Variants in ADAMTS2 observed in about 807,000 individuals in gnomAD.
ADAMTS2 encodes the protein A disintegrin and metalloproteinase with thrombospondin motifs 2.
Under a neutral mutation model 123.0 loss-of-function variants are expected in ADAMTS2, and 50 were observed. The observed-to-expected ratio is 0.41, with a 90% CI of 0.32 to 0.51. The LOEUF (loss-of-function observed/expected upper bound fraction) is 0.51, where lower values mean the gene tolerates loss of function less well. ADAMTS2 is among the 20% of genes least tolerant of loss of function. The pLI, the probability that ADAMTS2 is intolerant of heterozygous loss-of-function variation, is 0.35. For synonymous variants in ADAMTS2, 678 were observed against 695.4 expected (o/e 0.98, Z 0.39); for missense variants, 1,494 against 1,705.2 (o/e 0.88, Z 2.18).
At chr5:179,152,899 C>T (rs553221588) in intron 9 of ADAMTS2, among the ~76,000 whole-genome samples, 4 of 152,154 alleles carry the variant, frequency 2.6e-5, no homozygotes, top group East Asian at 1.9e-4. Context: ...GGCAGGTTAC[C>T]TAGCCTCTCC....
chr5:179,212,342 C>T lies in ADAMTS2; in HGVS notation c.689-4627G>A, dbSNP rs1374791067. The stretch of plus-strand genomic sequence containing the variant: ...CAGGTGTGGGCCCTGAGGGTGGGTT[C>T]AGTGGGCACGTGTGGGCCCTGAGGG... On this transcript the variant is annotated intron_variant, in intron 3 of 21. Coordinates refer to ENST00000251582, the MANE Select transcript of ADAMTS2 (RefSeq NM_014244.5). 2.9e-5 allele frequency among the ~76,000 whole-genome samples: 4 copies of T among 139,698 alleles called. No individual in the cohort carries two copies. The Admixed American group carries it at 2.9e-4, about 10-fold the overall frequency. 91.6% of individuals were successfully genotyped at this position (139,698 alleles called of 152,430 possible). A position where few individuals can be genotyped will look rare whatever the true frequency, so the allele number is the denominator to read the frequency against.
At position 179,153,627 on chromosome 5, in the gene ADAMTS2, T is replaced by C. The variant is rs755840034; in HGVS notation, c.1383-4A>G. ...ATCCAGCAGGCAGTCATAGGAGCTG[T>C]GGGGGACACACGGTGCCGCGAGCAG... is the stretch of plus-strand genomic sequence containing the variant. On this transcript the variant is annotated splice_polypyrimidine_tract_variant and splice_region_variant and intron_variant, in intron 8 of 21. Coordinates refer to ENST00000251582, the MANE Select transcript of ADAMTS2 (RefSeq NM_014244.5). 3 of 1,601,550 alleles carry C rather than the reference T, an allele frequency of 1.9e-6. No homozygotes were observed. The highest frequency in any genetic ancestry group is 2.5e-6 in the Non-Finnish European group (3 of 1,179,376).
At chr5:179,251,990 T>A (rs997612047) in intron 3 of ADAMTS2, among the ~76,000 whole-genome samples, 1 of 151,736 alleles carries the variant, frequency 6.6e-6, no homozygotes, top group Non-Finnish European at 1.5e-5. Flanking sequence ...TCTCACTGAT[T>A]TTTTTTTCTT....
At chr5:179,295,017 C>T (rs1359360051) in intron 2 of ADAMTS2, among the ~76,000 whole-genome samples, 1 of 152,200 alleles carries the variant, frequency 6.6e-6, no homozygotes, top group African/African-American at 2.4e-5. Flanking sequence ...CGGGTTCCCA[C>T]TGGCCGCATG....
Position 179,112,434 on chromosome 5 carries a change from T to G in ADAMTS2, c.*1433A>C, listed in dbSNP as rs375474682. The G allele has an allele frequency of 2.0e-5, 3 of 152,152 alleles. No homozygotes were observed. The highest frequency in any genetic ancestry group is 7.2e-5 in the African/African-American group (3 of 41,426). 9.4% of individuals were successfully genotyped at this position (152,152 alleles called of 1,614,324 possible). A position where few individuals can be genotyped will look rare whatever the true frequency, so the allele number is the denominator to read the frequency against. ...TTCTCCCATCCGCCCCTACTCCCCC[T>G]TCCTCCTATTTCTCTCTTACTCGCA... On this transcript the variant is annotated 3_prime_UTR_variant, in exon 22 of 22. Transcript: ENST00000251582.
chr5:179,185,838 G>T lies in ADAMTS2; in HGVS notation c.892-4683C>A, dbSNP rs1764160810. On this transcript the variant is annotated intron_variant, in intron 4 of 21. Transcript: ENST00000251582. This position sits in a 1 kb window ranked among gnomAD's most constrained non-coding sequence, Gnocchi z 5.9. The stretch of plus-strand genomic sequence containing the variant: ...ACCCTGGCCTCTGGAAGCCTCAGAT[G>T]GTTCGGAGATTAACTGGGGCTCCCT... Among the ~76,000 whole-genome samples the T allele has an allele frequency of 6.6e-6, 1 of 152,022 alleles. No homozygotes were observed. Among genetic ancestry groups the T allele is most frequent in the Admixed American group, 6.5e-5 (1 of 15,276 alleles).
In ADAMTS2 at chr5:179,141,105, G is replaced by A. The variant is rs141322886; in HGVS notation, c.1630-1070C>T. ...GCTAGGATTACAGGCGTGAGCCACC[G>A]CGCCCGGCCGACTGCATACTCTTTA... On this transcript the variant is annotated intron_variant, in intron 10 of 21. Coordinates refer to ENST00000251582, the MANE Select transcript of ADAMTS2 (RefSeq NM_014244.5). Among the ~76,000 whole-genome samples the A allele has an allele frequency of 5.7e-3, 866 of 151,886 alleles. 4 individuals are homozygous for A. Among genetic ancestry groups the A allele is most frequent in the Non-Finnish European group, 8.3e-3 (566 of 67,948 alleles).
intron 2 of ADAMTS2, among the ~76,000 whole-genome samples, chr5:179,299,274 A>G (rs150795232): frequency 6.2e-5 from 9 of 145,774 alleles, no homozygotes; most frequent in African/African-American, 2.1e-4. Context: ...TCACGCCTGT[A>G]ATCCCAGCAC....
Position 179,197,340 on chromosome 5 carries a change from G to A in ADAMTS2, c.891+10173C>T, listed in dbSNP as rs528115766. ...CGGGAAGAGTAGGATTGAAATTAGC[G>A]CTTTAGTGAAATGCTTGAAGCCACA... On this transcript the variant is annotated intron_variant, in intron 4 of 21. Coordinates refer to ENST00000251582, the MANE Select transcript of ADAMTS2 (RefSeq NM_014244.5). This position sits in a 1 kb window ranked among gnomAD's most constrained non-coding sequence, Gnocchi z 4.2. 2.0e-5 allele frequency among the ~76,000 whole-genome samples: 3 copies of A among 152,200 alleles called. No homozygotes were observed. Among genetic ancestry groups the A allele is most frequent in the African/African-American group, 7.2e-5 (3 of 41,448 alleles).
rs1561674771 is a variant in ADAMTS2, at chr5:179,277,347, TGAGACCAAAGGCTGACACCC to T, written c.535-4303_535-4284del. On this transcript the variant is annotated intron_variant, in intron 2 of 21. Transcript: ENST00000251582. ...CCCCGAGACCAAAGGCTGACCCCCCTGAGACCAAAGGCTGACACCCCCCGAGACCAAAGGCTGACCCCCCC... is the reference window on the plus strand; with the variant it reads ...CCCCGAGACCAAAGGCTGACCCCCCTCCCGAGACCAAAGGCTGACCCCCCC... Among the ~76,000 whole-genome samples the T allele has an allele frequency of 2.0e-3, 19 of 9,298 alleles. 2 individuals carry two copies. The highest frequency in any genetic ancestry group is 0.014 in the African/African-American group (12 of 850). 6.1% of individuals were successfully genotyped at this position (9,298 alleles called of 152,430 possible).
rs959514896 is a variant in ADAMTS2, at chr5:179,207,720, A to C, written c.689-5T>G. 2 of 1,609,762 alleles carry C rather than the reference A, an allele frequency of 1.2e-6. No individual in the cohort carries two copies. The highest frequency in any genetic ancestry group is 1.7e-6 in the Non-Finnish European group (2 of 1,179,946). On this transcript the variant is annotated splice_polypyrimidine_tract_variant and splice_region_variant and intron_variant, in intron 3 of 21. Transcript: ENST00000251582. The stretch of plus-strand genomic sequence containing the variant: ...CCAGGCTGTCCAGGGAGGCCCCTGC[A>C]AGGAGAGGACACCGTCTTCAGCGGC...
At chr5:179,153,756 C>T (rs1006828245) in intron 8 of ADAMTS2, 133 bp from the exon 9 acceptor site, 23 of 1,335,788 alleles carry the variant, frequency 1.7e-5, no homozygotes, top group Non-Finnish European at 1.3e-5. Context: ...GCTGTGCTGC[C>T]TCAGTTTCCC....
chr5:179,153,998 CT>C, intron 8 of ADAMTS2, 50 bp downstream of exon 8: 1 of 1,566,762 alleles, frequency 6.4e-7, no homozygotes, highest in East Asian at 2.3e-5. Flanking sequence ...CCTCCCAGAG[CT>C]GACCCCAGGG....
At position 179,225,800 on chromosome 5, in the gene ADAMTS2, A is replaced by G. The variant is rs1041542264; in HGVS notation, c.689-18085T>C. ...CTACTTCCACTCAATAAAACCTCGC[A>G]CTCATTCTCCAAGCCCACGTGTGAT... On this transcript the variant is annotated intron_variant, in intron 3 of 21. Transcript: ENST00000251582. This position sits in a 1 kb window ranked among gnomAD's most constrained non-coding sequence, Gnocchi z 4.5. 1.4e-4 allele frequency among the ~76,000 whole-genome samples: 22 copies of G among 151,950 alleles called. No individual in the cohort carries two copies. Among genetic ancestry groups the G allele is most frequent in the African/African-American group, 4.8e-4 (20 of 41,358 alleles).
chr5:179,190,196 G>A (rs546711055), intron 4 of ADAMTS2, among the ~76,000 whole-genome samples: 56 of 152,164 alleles, frequency 3.7e-4, no homozygotes, highest in Non-Finnish European at 7.6e-4. Flanking sequence ...AAATAGTGGT[G>A]AAGTGTTGGG....
chr5:179,223,524 A>ACGAATG (rs1765189949), intron 3 of ADAMTS2, among the ~76,000 whole-genome samples: 1 of 147,032 alleles, frequency 6.8e-6, no homozygotes, highest in Non-Finnish European at 1.5e-5. Context: ...ATGCACTCAC[A>ACGAATG]CACATGCACT....
intron 4 of ADAMTS2, among the ~76,000 whole-genome samples, chr5:179,196,852 C>T (rs1443874613): frequency 6.6e-6 from 1 of 152,194 alleles, no homozygotes; most frequent in Non-Finnish European, 1.5e-5. Flanking sequence ...ACAAAAATGG[C>T]CACAGGCAAT....
chr5:179,227,224 C>T (rs892781802), intron 3 of ADAMTS2, among the ~76,000 whole-genome samples: 4 of 152,126 alleles, frequency 2.6e-5, no homozygotes, highest in African/African-American at 9.7e-5. Flanking sequence ...AGTTCCAGGA[C>T]AGCCAATGGG....
intron 2 of ADAMTS2, among the ~76,000 whole-genome samples, chr5:179,273,760 A>C (rs1178362510): frequency 6.6e-6 from 1 of 151,946 alleles, no homozygotes; most frequent in Non-Finnish European, 1.5e-5. Context: ...AGGCAGCTGA[A>C]CTGCTGCCCC....
Sources: gnomAD v4.1 joint callset for allele counts (sites outside exome capture counted in the v4.1 genomes callset) on GRCh38, gnomAD v4.1.1 for gene constraint, Gnocchi (gnomAD v3.1) non-coding constraint, MANE v1.5 for transcripts, NCBI Gene and HGNC (gene_info 2026-07-23, HGNC 2026-07-21) for gene names.